Variants in FBXL2 observed in about 807,000 individuals in gnomAD.
FBXL2 encodes the protein F-box and leucine rich repeat protein 2.
In FBXL2, 38 loss-of-function variants were observed where a neutral mutation model predicts 69.2. The observed-to-expected ratio is 0.55, with a 90% confidence interval of 0.42 to 0.72. The LOEUF is 0.72. FBXL2 is among the 30% of genes least tolerant of loss of function. FBXL2 has a pLI of 0.00. For synonymous variants in FBXL2, 192 were observed against 201.3 expected (o/e 0.95, Z 0.39); for missense variants, 354 against 520.3 (o/e 0.68, Z 3.11).
downstream of FBXL2, among the ~76,000 whole-genome samples, chr3:33,406,967 A>G (rs1306806344): frequency 6.6e-6 from 1 of 152,218 alleles, no homozygotes; most frequent in African/African-American, 2.4e-5. Context: ...CGACTCTAAC[A>G]GTAAGTCTGG....
rs190010577 is a variant in FBXL2 at position 33,307,961 on chromosome 3, C to A, written c.65+10236C>A. On this transcript the variant is annotated intron_variant, in intron 2 of 14. Coordinates refer to ENST00000484457, the MANE Select transcript of FBXL2 (RefSeq NM_012157.5). ...CATTGAAATTACCTTTATTGAAAAT[C>A]ACATTGTCTTGTCTTTGGCTCCTGA... Among the ~76,000 whole-genome samples the A allele has an allele frequency of 6.6e-5, 10 of 152,152 alleles. No individual in the cohort carries two copies. In the East Asian group the frequency reaches 1.9e-3, roughly 29 times the overall value.
chr3:33,357,239 ACT>A (rs1416130099), intron 2 of FBXL2, among the ~76,000 whole-genome samples: 3 of 152,106 alleles, frequency 2.0e-5, no homozygotes, highest in African/African-American at 7.2e-5. Flanking sequence ...GAAACAGCTA[ACT>A]CTTTTTTTAC....
At chr3:33,396,085 G>T (rs1291062026) in intron 12 of FBXL2, 34 of 1,326,176 alleles carry the variant, frequency 2.6e-5, no homozygotes, top group Non-Finnish European at 3.5e-5. Flanking sequence ...GTTCTCCAAA[G>T]CCTGCTCAAT....
chr3:33,318,012 GT>G (rs2037859367), intron 2 of FBXL2, among the ~76,000 whole-genome samples: 1 of 152,086 alleles, frequency 6.6e-6, no homozygotes, highest in South Asian at 2.1e-4. Context: ...TTTGGGCCAG[GT>G]TTCTGGGTTT....
At chr3:33,378,950 A>G in intron 13 of FBXL2, 1 of 893,398 alleles carries the variant, frequency 1.1e-6, no homozygotes. Context: ...CCCAAAAGAG[A>G]AATGTCCAGA....
At chr3:33,379,000 G>A (rs1047347191) in intron 13 of FBXL2, among the ~76,000 whole-genome samples, 1 of 152,004 alleles carries the variant, frequency 6.6e-6, no homozygotes, top group African/African-American at 2.4e-5. Context: ...AAACATTTAA[G>A]GAATGAACAT....
At chr3:33,383,753 T>G (rs1445603989) in intron 13 of FBXL2, 4 of 503,866 alleles carry the variant, frequency 7.9e-6, no homozygotes, top group African/African-American at 7.7e-5. Context: ...CCTCACTGCC[T>G]GATTAAATGT....
downstream of FBXL2, among the ~76,000 whole-genome samples, chr3:33,405,953 C>T (rs2044408064): frequency 6.6e-6 from 1 of 152,026 alleles, no homozygotes; most frequent in Non-Finnish European, 1.5e-5. Context: ...AATTATGTAT[C>T]TCCTTAAAAA....
the FBXL2 span, among the ~76,000 whole-genome samples, chr3:33,411,863 T>C: frequency 6.6e-6 from 1 of 151,876 alleles, no homozygotes; most frequent in African/African-American, 2.4e-5. Flanking sequence ...ATATCATCGT[T>C]TCCCCTACCA....
chr3:33,396,097 G>A, intron 12 of FBXL2: 1 of 1,397,864 alleles, frequency 7.2e-7, no homozygotes, highest in Non-Finnish European at 9.8e-7. Context: ...CTGCTCAATC[G>A]AGTCCTTTCC....
intron 10 of FBXL2, among the ~76,000 whole-genome samples, chr3:33,376,199 C>CA (rs2042631139): frequency 6.6e-6 from 1 of 151,932 alleles, no homozygotes; most frequent in Non-Finnish European, 1.5e-5. Flanking sequence ...TTCTCATCCT[C>CA]AAGGTAATAG....
intron 2 of FBXL2, among the ~76,000 whole-genome samples, chr3:33,349,470 A>G (rs541977006): frequency 2.6e-5 from 4 of 152,154 alleles, no homozygotes; most frequent in Non-Finnish European, 5.9e-5. Flanking sequence ...TTCATGATGA[A>G]TGATCATTTT....
At chr3:33,302,078 G>A (rs1036115122) in intron 2 of FBXL2, among the ~76,000 whole-genome samples, 2 of 152,024 alleles carry the variant, frequency 1.3e-5, no homozygotes, top group Non-Finnish European at 2.9e-5. Context: ...TTGGATGCCC[G>A]AATATTTAAT....
chr3:33,342,708 CTTCTT>C (rs2040127701), intron 2 of FBXL2, among the ~76,000 whole-genome samples: 4 of 74,282 alleles, frequency 5.4e-5, no homozygotes, highest in African/African-American at 2.1e-4. Flanking sequence ...ACAAATATAA[CTTCTT>C]TTTTTTTTTT....
chr3:33,348,217 G>C (rs1200819439), intron 2 of FBXL2, among the ~76,000 whole-genome samples: 1 of 151,960 alleles, frequency 6.6e-6, no homozygotes, highest in Non-Finnish European at 1.5e-5. Context: ...GAGAGATAGG[G>C]GTCTAGTTTC....
the FBXL2 span, among the ~76,000 whole-genome samples, chr3:33,417,603 AAC>A: frequency 6.6e-6 from 1 of 152,216 alleles, no homozygotes; most frequent in Non-Finnish European, 1.5e-5. Context: ...TTTATTAGAA[AAC>A]ACAGATATTC....
intron 2 of FBXL2, among the ~76,000 whole-genome samples, chr3:33,316,205 G>A (rs2125779478): frequency 6.6e-6 from 1 of 151,910 alleles, no homozygotes; most frequent in Admixed American, 6.6e-5. Flanking sequence ...ATAAAGGTGT[G>A]CCCCACTATG....
At chr3:33,365,200 A>T (rs976477722) in intron 5 of FBXL2, among the ~76,000 whole-genome samples, 2 of 152,062 alleles carry the variant, frequency 1.3e-5, no homozygotes, top group Non-Finnish European at 2.9e-5. Flanking sequence ...TGATTTTTAC[A>T]TTAATTTTAT....
At chr3:33,345,577 T>A (rs1018054727) in intron 2 of FBXL2, among the ~76,000 whole-genome samples, 1 of 152,176 alleles carries the variant, frequency 6.6e-6, no homozygotes, top group Non-Finnish European at 1.5e-5. Context: ...ATAGAATGCT[T>A]TATCCAACAA....
Sources: allele counts gnomAD v4.1 joint callset (sites outside exome capture counted in the v4.1 genomes callset), GRCh38; gene constraint gnomAD v4.1.1; transcripts MANE v1.5; gene names NCBI Gene and HGNC (gene_info 2026-07-23, HGNC 2026-07-21).